TOM1: variants seen among roughly 807,000 people sequenced by gnomAD.
TOM1 encodes target of myb1 membrane trafficking protein.
Under a neutral mutation model 61.3 loss-of-function variants are expected in TOM1, and 38 were observed. That is an observed-to-expected ratio of 0.62 (90% CI 0.48 to 0.81). The LOEUF is 0.81. TOM1 is among the 40% of genes least tolerant of loss of function. The pLI, the probability that TOM1 is intolerant of heterozygous loss-of-function variation, is 0.00. For synonymous variants in TOM1, 270 were observed against 268.8 expected (o/e 1.00, Z -0.04); for missense variants, 591 against 659.6 (o/e 0.90, Z 1.14).
At chr22:35,343,112 CA>C (rs1569040696) in intron 12 of TOM1, among the ~76,000 whole-genome samples, 1 of 140,238 alleles carries the variant, frequency 7.1e-6, no homozygotes, top group African/African-American at 2.7e-5. Context: ...ACACCACACA[CA>C]CCCACACACA....
chr22:35,335,209 G>T (rs1929202420), intron 11 of TOM1, among the ~76,000 whole-genome samples: 1 of 152,164 alleles, frequency 6.6e-6, no homozygotes, highest in Non-Finnish European at 1.5e-5. Context: ...GCTGTGGGCA[G>T]CCAGGATTCT....
intron 6 of TOM1, among the ~76,000 whole-genome samples, chr22:35,324,412 CAAAAAAAAAA>C (rs58401864): frequency 3.1e-4 from 19 of 61,190 alleles, no homozygotes; most frequent in African/African-American, 8.6e-4. Context: ...AGACCTGTTT[CAAAAAAAAAA>C]AAAAAAAAAA....
At position 35,333,459 on chromosome 22, in the gene TOM1, C is replaced by T. The variant is rs769149011; in HGVS notation, c.989C>T (p.Ala330Val). ...CTGATCGACATGGGCCCTGACCCAG[C>T]AGCCACCGGCAACCTCTCATCCCAG... is the stretch of plus-strand genomic sequence containing the variant. ...ADLIDMGPDP[A>V]ATGNLSSQLA... Residue 330 changes from alanine to valine, a missense_variant, in exon 10 of 15, where the codon GCA (alanine) becomes GTA (valine). Physicochemically the swap from Ala to Val is moderately conservative, Grantham distance 64 (BLOSUM62 0). Coordinates refer to ENST00000449058, the MANE Select transcript of TOM1 (RefSeq NM_005488.3). 2 of 1,614,156 alleles carry T rather than the reference C, an allele frequency of 1.2e-6. No individual in the cohort carries two copies. The highest frequency in any genetic ancestry group is 3.3e-5 in the Admixed American group (2 of 60,028).
At chr22:35,318,543 G>A (rs1286604855) in intron 2 of TOM1, among the ~76,000 whole-genome samples, 1 of 152,248 alleles carries the variant, frequency 6.6e-6, no homozygotes, top group Admixed American at 6.5e-5. Flanking sequence ...GGCACATGGT[G>A]TGGGGGAAGG....
rs367957551 is a variant in TOM1 at position 35,322,016 on chromosome 22, C to T, written c.195C>T (p.His65=). 1.4e-5 allele frequency: 22 copies of T among 1,614,024 alleles called. No homozygotes were observed. In the East Asian group the frequency reaches 2.7e-4, roughly 20 times the overall value. The change falls in exon 3 of 15, where the codon CAC becomes CAT. Residue 65 remains histidine (H), a synonymous_variant. Transcript: ENST00000449058. The part of the protein sequence containing the change: ...KKRIVGNKNF[H]EVMLALTVLE... Reference sequence around the variant, plus strand: ...GAATCGTGGGGAATAAGAACTTCCACGAGGTGATGCTGGCTCTCACAGTGA... The same window carrying T: ...GAATCGTGGGGAATAAGAACTTCCATGAGGTGATGCTGGCTCTCACAGTGA...
At chr22:35,325,869 A>G (rs931855722) in intron 6 of TOM1, among the ~76,000 whole-genome samples, 1 of 152,174 alleles carries the variant, frequency 6.6e-6, no homozygotes, top group Admixed American at 6.5e-5. Context: ...GTGTGCAGTG[A>G]TGTTACTCCC....
At position 35,347,824 on chromosome 22, in the gene TOM1, C is replaced by T; in HGVS notation, c.*615C>T. ...GCTGCAGGTGAGGCTTCAGGGGATGCTGGGGCCCCACTGCCCCTCCGCTGC... is the reference window on the plus strand; with the variant it reads ...GCTGCAGGTGAGGCTTCAGGGGATGTTGGGGCCCCACTGCCCCTCCGCTGC... On this transcript the variant is annotated 3_prime_UTR_variant, in exon 15 of 15. Transcript: ENST00000449058. The T allele has an allele frequency of 6.5e-6, 1 of 153,152 alleles. No homozygotes were observed. Among genetic ancestry groups the T allele is most frequent in the Non-Finnish European group, 1.5e-5 (1 of 68,352 alleles). 9.5% of individuals were successfully genotyped at this position (153,152 alleles called of 1,614,324 possible).
chr22:35,328,658 G>T (rs753257434), intron 7 of TOM1, among the ~76,000 whole-genome samples: 1 of 152,140 alleles, frequency 6.6e-6, no homozygotes, highest in African/African-American at 2.4e-5. Flanking sequence ...ATGTTGAAAG[G>T]CACCCGCCCT....
chr22:35,314,232 C>T (rs955984360), intron 1 of TOM1, among the ~76,000 whole-genome samples: 1 of 152,106 alleles, frequency 6.6e-6, no homozygotes, highest in African/African-American at 2.4e-5. Flanking sequence ...CCACAGCCTC[C>T]CAACAGCTGT....
intron 3 of TOM1, chr22:35,322,531 T>C (rs1927886717): frequency 5.3e-6 from 1 of 190,364 alleles, no homozygotes; most frequent in Admixed American, 5.6e-5. Flanking sequence ...CTGGGGAAGA[T>C]ATAAATGCTG....
intron 6 of TOM1, among the ~76,000 whole-genome samples, chr22:35,326,046 T>C (rs1928276733): frequency 6.6e-6 from 1 of 152,234 alleles, no homozygotes; most frequent in African/African-American, 2.4e-5. Context: ...ACTACTAGTC[T>C]CTACACTCCA....
At chr22:35,334,240 A>G in intron 10 of TOM1, 88 bp from the exon 11 acceptor site, 1 of 1,520,692 alleles carries the variant, frequency 6.6e-7, no homozygotes, top group Non-Finnish European at 8.9e-7. Context: ...CCCAGCACCA[A>G]GCCCTGGGTC....
chr22:35,346,660 C>T (rs1181206299), intron 13 of TOM1, among the ~76,000 whole-genome samples: 2 of 152,202 alleles, frequency 1.3e-5, no homozygotes, highest in South Asian at 2.1e-4. Flanking sequence ...TTCCCAGCAA[C>T]CCTCCAAGTT....
intron 13 of TOM1, 73 bp downstream of exon 13, chr22:35,345,857 C>A (rs1930464555): frequency 2.0e-6 from 3 of 1,514,794 alleles, no homozygotes; most frequent in Admixed American, 3.3e-5. Context: ...ACCCATGGGG[C>A]CAGGGTAGAC....
At chr22:35,305,157 G>A (rs576401439) in intron 1 of TOM1, among the ~76,000 whole-genome samples, 3 of 152,348 alleles carry the variant, frequency 2.0e-5, no homozygotes, top group South Asian at 2.1e-4. Flanking sequence ...ACACTTAAGC[G>A]ATGTTGAGGA....
intron 7 of TOM1, among the ~76,000 whole-genome samples, chr22:35,328,090 A>G (rs963243885): frequency 1.8e-4 from 28 of 152,310 alleles, no homozygotes; most frequent in African/African-American, 6.7e-4. Context: ...CTGCTCGTCC[A>G]CCAGGCCTCA....
At position 35,299,972 on chromosome 22, in the gene TOM1, A is replaced by G. The variant is rs529706448; in HGVS notation, c.44A>G (p.Gln15Arg). 2.5e-6 allele frequency: 4 copies of G among 1,576,792 alleles called. No individual in the cohort carries two copies. In the African/African-American group the frequency reaches 4.0e-5, roughly 16 times the overall value. Reference sequence around the variant, plus strand: ...AACCCGTTCAGCTCTCCAGTGGGACAGCGCATCGGTGAGTCCCTGGAGCCC... The same window carrying G: ...AACCCGTTCAGCTCTCCAGTGGGACGGCGCATCGGTGAGTCCCTGGAGCCC... ...LGNPFSSPVGQRIEKATDGSL... is the reference protein window; with the variant it reads ...LGNPFSSPVGRRIEKATDGSL... Residue 15 changes from glutamine (Q) to arginine (R), a missense_variant, in exon 1 of 15, where the codon CAG becomes CGG. Coordinates refer to ENST00000449058, the MANE Select transcript of TOM1 (RefSeq NM_005488.3).
intron 10 of TOM1, 80 bp downstream of exon 10, chr22:35,333,577 G>A (rs1929024218): frequency 3.2e-6 from 4 of 1,249,928 alleles, no homozygotes; most frequent in East Asian, 2.4e-5. Context: ...GGGTGCCCTT[G>A]TTATATACCC....
intron 1 of TOM1, among the ~76,000 whole-genome samples, chr22:35,309,157 T>C (rs1926600347): frequency 6.6e-6 from 1 of 152,192 alleles, no homozygotes; most frequent in Non-Finnish European, 1.5e-5. Context: ...GCTTGAAATG[T>C]ATACACTCCT....
Sources: allele counts gnomAD v4.1 joint callset (sites outside exome capture counted in the v4.1 genomes callset), GRCh38; gene constraint gnomAD v4.1.1; transcripts MANE v1.5; gene names NCBI Gene and HGNC (gene_info 2026-07-23, HGNC 2026-07-21).